The following IQCM variants were observed in gnomAD, a reference collection of about 807,000 sequenced individuals.
The protein encoded by IQCM is IQ motif containing M.
IQCM carries 45 observed loss-of-function variants against 57.6 expected under a neutral mutation model. The observed-to-expected ratio is 0.78, with a 90% CI of 0.62 to 1.00. The LOEUF (loss-of-function observed/expected upper bound fraction) is 1.00. IQCM is among the 50% of genes least tolerant of loss of function. The pLI, the probability that IQCM is intolerant of heterozygous loss-of-function variation, is 0.00. For missense variants in IQCM, 468 were observed against 511.6 expected (o/e 0.91, Z 0.82); for synonymous variants, 148 against 158.9 (o/e 0.93, Z 0.51).
At chr4:149,702,247 C>T (rs1561175295) in intron 5 of IQCM, among the ~76,000 whole-genome samples, 1 of 151,230 alleles carries the variant, frequency 6.6e-6, no homozygotes, top group Non-Finnish European at 1.5e-5. Flanking sequence ...CAATGACACA[C>T]CTGACGACTT....
intron 13 of IQCM, among the ~76,000 whole-genome samples, chr4:149,389,802 C>T (rs948188676): frequency 4.0e-5 from 6 of 151,696 alleles, no homozygotes; most frequent in Non-Finnish European, 7.4e-5. Flanking sequence ...CACATGTATA[C>T]ATATGTAACT....
At position 149,361,358 on chromosome 4, in the gene IQCM, G is replaced by T. The variant is rs1729470640; in HGVS notation, c.1391-9292C>A. On this transcript the variant is annotated intron_variant, in intron 13 of 13. Coordinates refer to ENST00000636793, the MANE Select transcript of IQCM (RefSeq NM_001363507.2). ...CTGGCTGCAGAAATTTGCATGAGTA[G>T]CAAGGAACCTAATGTTAACCCCCAA... Among the ~76,000 whole-genome samples the T allele has an allele frequency of 2.6e-5, 4 of 152,300 alleles. No homozygotes were observed. The South Asian group carries it at 8.3e-4, about 32-fold the overall frequency.
intron 2 of IQCM, chr4:149,789,875 G>A: frequency 5.6e-6 from 1 of 178,078 alleles, no homozygotes; most frequent in South Asian, 1.5e-4. Context: ...CTGCACTCCA[G>A]CCTGGGTGAC....
intron 6 of IQCM, among the ~76,000 whole-genome samples, chr4:149,684,369 G>A (rs898759414): frequency 6.6e-6 from 1 of 151,160 alleles, no homozygotes; most frequent in Non-Finnish European, 1.5e-5. Context: ...CTTTTGTTGG[G>A]CCAATATTTC....
chr4:149,373,979 G>A (rs1055981142), intron 13 of IQCM, among the ~76,000 whole-genome samples: 1 of 152,174 alleles, frequency 6.6e-6, no homozygotes, highest in African/African-American at 2.4e-5. Flanking sequence ...AAGGAAAGGT[G>A]AGTTGTTTCT....
chr4:149,511,039 T>C (rs998796885), intron 12 of IQCM, among the ~76,000 whole-genome samples: 9 of 152,210 alleles, frequency 5.9e-5, no homozygotes, highest in African/African-American at 2.2e-4. Flanking sequence ...TCATAGCTTA[T>C]GGAATAAAGG....
chr4:149,782,973 G>T (rs1771746761), intron 2 of IQCM, among the ~76,000 whole-genome samples: 1 of 152,002 alleles, frequency 6.6e-6, no homozygotes, highest in South Asian at 2.1e-4. Flanking sequence ...TCATATATCA[G>T]ACTTCAGATG....
At chr4:149,488,627 C>T (rs933297564) in intron 12 of IQCM, among the ~76,000 whole-genome samples, 5 of 152,020 alleles carry the variant, frequency 3.3e-5, no homozygotes, top group Non-Finnish European at 5.9e-5. Flanking sequence ...GTAAAAACAG[C>T]GACAACTTTC....
intron 2 of IQCM, among the ~76,000 whole-genome samples, chr4:149,813,148 T>A (rs1206368166): frequency 2.0e-5 from 3 of 152,130 alleles, no homozygotes; most frequent in Non-Finnish European, 2.9e-5. Context: ...CAAGAAAATT[T>A]TTATTATTTT....
intron 13 of IQCM, among the ~76,000 whole-genome samples, chr4:149,380,082 C>T (rs921818283): frequency 2.0e-5 from 3 of 152,162 alleles, no homozygotes; most frequent in African/African-American, 7.2e-5. Context: ...ATTGTGAGGC[C>T]TCTCCAGCCA....
At position 149,621,278 on chromosome 4, in the gene IQCM, T is replaced by A. The variant is rs918840318; in HGVS notation, c.566-34A>T. On this transcript the variant is annotated intron_variant, in intron 7 of 13. Transcript: ENST00000636793. Reference sequence around the variant, plus strand: ...AATATCAATGCAGGTTAAAACAATATCTATCCAGGAAAAGTACACACTGAT... The same window carrying A: ...AATATCAATGCAGGTTAAAACAATAACTATCCAGGAAAAGTACACACTGAT... 6 of 1,025,484 alleles carry A rather than the reference T, an allele frequency of 5.9e-6. No individual in the cohort carries two copies. In the African/African-American group the frequency reaches 9.9e-5, roughly 17 times the overall value. The allele number at this position is 1,025,484 out of a possible 1,614,324, so 63.5% of individuals were successfully genotyped here. A position where few individuals can be genotyped will look rare whatever the true frequency, so the allele number is the denominator to read the frequency against.
At chr4:149,805,183 G>C (rs1773958626) in intron 2 of IQCM, among the ~76,000 whole-genome samples, 1 of 152,064 alleles carries the variant, frequency 6.6e-6, no homozygotes, top group Non-Finnish European at 1.5e-5. Context: ...TGAGCATATA[G>C]AGAATAGTAT....
Position 149,374,967 on chromosome 4 carries a change from T to TTGTGTG in IQCM, c.1391-22907_1391-22902dup, listed in dbSNP as rs145080282. Among the ~76,000 whole-genome samples the TTGTGTG allele has an allele frequency of 5.4e-3, 674 of 125,392 alleles. 3 individuals carry two copies. Among genetic ancestry groups the TTGTGTG allele is most frequent in the African/African-American group, 0.014 (531 of 36,864 alleles). 82.3% of individuals were successfully genotyped at this position (125,392 alleles called of 152,430 possible). ...GTTCCTTGCCTCTGCCACACTTTCT[T>TTGTGTG]TGTGTGTGTGTGTGTGTGTGTGTGT... On this transcript the variant is annotated intron_variant, in intron 13 of 13. Coordinates refer to ENST00000636793, the MANE Select transcript of IQCM (RefSeq NM_001363507.2).
intron 5 of IQCM, among the ~76,000 whole-genome samples, chr4:149,686,691 C>A (rs1457445165): frequency 6.6e-6 from 1 of 151,532 alleles, no homozygotes; most frequent in African/African-American, 2.4e-5. Flanking sequence ...AATTATAGTG[C>A]AAATGAACTA....
intron 7 of IQCM, among the ~76,000 whole-genome samples, chr4:149,654,470 C>A (rs1446966103): frequency 6.6e-6 from 1 of 152,128 alleles, no homozygotes; most frequent in African/African-American, 2.4e-5. Context: ...CTGCTTTTAC[C>A]ATGCAACATG....
At chr4:149,701,280 TG>T (rs1763750565) in intron 5 of IQCM, among the ~76,000 whole-genome samples, 1 of 151,860 alleles carries the variant, frequency 6.6e-6, no homozygotes, top group Non-Finnish European at 1.5e-5. Flanking sequence ...TTTCATGTGT[TG>T]GGGGGAAAAC....
rs556190308 is a variant in IQCM at position 149,754,959 on chromosome 4, C to T, written c.-48-12220G>A. The stretch of plus-strand genomic sequence containing the variant: ...CTGATCCTATTCTGATGATTTCTCC[C>T]TCAGCAAATGACATCTCCACTCTTC... On this transcript the variant is annotated intron_variant, in intron 2 of 13. Transcript: ENST00000636793. Among the ~76,000 whole-genome samples the T allele has an allele frequency of 1.9e-4, 29 of 152,306 alleles. No homozygotes were observed. The South Asian group carries it at 2.1e-3, about 11-fold the overall frequency.
rs115105445 is a variant in IQCM at position 149,407,168 on chromosome 4, C to G, written c.1390+26228G>C. On this transcript the variant is annotated intron_variant, in intron 13 of 13. Transcript: ENST00000636793. The stretch of plus-strand genomic sequence containing the variant: ...CCACCACCATGATTCAATTATCCCC[C>G]CCCAGGTCCCTCCCACAGCTCTTGG... Among the ~76,000 whole-genome samples the G allele has an allele frequency of 8.5e-5, 13 of 152,156 alleles. No homozygotes were observed. The South Asian group carries it at 1.7e-3, about 19-fold the overall frequency.
intron 12 of IQCM, among the ~76,000 whole-genome samples, chr4:149,532,298 C>T (rs546314576): frequency 1.3e-5 from 2 of 152,032 alleles, no homozygotes; most frequent in Non-Finnish European, 2.9e-5. Context: ...TGCCAGGGTC[C>T]ATTAGGGATT....
Sources: gnomAD v4.1 joint callset for allele counts (sites outside exome capture counted in the v4.1 genomes callset) on GRCh38, gnomAD v4.1.1 for gene constraint, MANE v1.5 for transcripts, NCBI Gene and HGNC (gene_info 2026-07-23, HGNC 2026-07-21) for gene names.